SYTL2: variants seen among roughly 807,000 people sequenced by gnomAD.
The protein encoded by SYTL2 is synaptotagmin like 2, also known as synaptotagmin-like protein 2.
A neutral mutation model predicts 198.7 loss-of-function variants in SYTL2; 165 were observed. The ratio of observed to expected loss-of-function variants is 0.83; its 90% CI spans 0.73 to 0.94. SYTL2 has a LOEUF of 0.94. Among genes scored for constraint, SYTL2 ranks in the 40% least tolerant of loss-of-function variants. The pLI, the probability that SYTL2 is intolerant of heterozygous loss-of-function variation, is 0.00. For synonymous variants in SYTL2, 966 were observed against 917.7 expected, an observed-to-expected ratio of 1.05 and a Z score of -0.95; for missense variants, 2,835 against 2,582.8, an observed-to-expected ratio of 1.10 and a Z score of -2.12.
At position 85,709,448 on chromosome 11, in the gene SYTL2, A is replaced by C. The variant is rs1454249056; in HGVS notation, c.5798T>G (p.Val1933Gly). 6.2e-7 allele frequency: 1 copy of C among 1,613,980 alleles called. No individual in the cohort carries two copies. Among genetic ancestry groups the C allele is most frequent in the Non-Finnish European group, 8.5e-7 (1 of 1,179,996 alleles). The part of the protein sequence containing the change: ...VYSGDFGNLE[V>G]KGNIQFAIEY... ...AATTGCAAACTGAATATTTCCTTTAACTTCCAGATTGCCAAAGTCTCCACT... is the reference window on the plus strand; with the variant it reads ...AATTGCAAACTGAATATTTCCTTTACCTTCCAGATTGCCAAAGTCTCCACT... Residue 1933 changes from valine (V) to glycine (G), a missense_variant, in exon 14 of 20, where the codon GTT becomes GGT. Around this residue, in one of 3 missense-constraint regions of SYTL2, gnomAD observed 2,645 missense variants for 2,381.7 expected, o/e 1.11. Transcript: ENST00000359152.
chr11:85,737,963 CA>C (rs1362899399), intron 4 of SYTL2, among the ~76,000 whole-genome samples: 1 of 152,174 alleles, frequency 6.6e-6, no homozygotes, highest in Non-Finnish European at 1.5e-5. Flanking sequence ...ACAACCTGCT[CA>C]GACTTCCTGT....
Position 85,726,688 on chromosome 11 carries a change from G to A in SYTL2, c.2670C>T (p.Tyr890=). ...TATCTGATTGCTCAGCTGAAAGATAGTATCTGGATGGACCTGCTATTTGTG... is the reference window on the plus strand; with the variant it reads ...TATCTGATTGCTCAGCTGAAAGATAATATCTGGATGGACCTGCTATTTGTG... The part of the protein sequence containing the change: ...TKPQIAGPSR[Y]YLSAEQSDKV... The change falls in exon 8 of 20, where the codon TAC becomes TAT. Residue 890 remains tyrosine (Y), a synonymous_variant. Transcript: ENST00000359152. 6.5e-7 allele frequency: 1 copy of A among 1,536,314 alleles called. No homozygotes were observed. The highest frequency in any genetic ancestry group is 8.7e-7 in the Non-Finnish European group (1 of 1,146,900).
rs150764346 is a variant in SYTL2 at position 85,718,251 on chromosome 11, C to G, written c.5482+539G>C. 2.7e-4 allele frequency: 44 copies of G among 164,508 alleles called. No homozygotes were observed. In the East Asian group the frequency reaches 4.4e-3, roughly 16 times the overall value. 10.2% of individuals were successfully genotyped at this position (164,508 alleles called of 1,614,324 possible). On this transcript the variant is annotated intron_variant, in intron 10 of 19. Transcript: ENST00000359152. ...AAGTAATACCTGATCCACTGACAAGCTTCAAGATCTTCTGGCTCCATTATA... is the reference window on the plus strand; with the variant it reads ...AAGTAATACCTGATCCACTGACAAGGTTCAAGATCTTCTGGCTCCATTATA...
rs544092501 is a variant in SYTL2 at position 85,737,605 on chromosome 11, G to A, written c.441C>T (p.Asn147=). 15 of 1,613,984 alleles carry A rather than the reference G, an allele frequency of 9.3e-6. No individual in the cohort carries two copies. The African/African-American group carries it at 1.1e-4, about 11-fold the overall frequency. Residue 147 remains asparagine (N), a synonymous_variant, in exon 5 of 20, where the codon AAC becomes AAT. Coordinates refer to ENST00000359152, the MANE Select transcript of SYTL2 (RefSeq NM_206927.4). Reference sequence around the variant, plus strand: ...CTGGAGACACATTTGGTTTCCTTGTGTTTTCCTGGGACATATCAATCACAC... The same window carrying A: ...CTGGAGACACATTTGGTTTCCTTGTATTTTCCTGGGACATATCAATCACAC... The part of the protein sequence containing the change: ...ASSVIDMSQE[N]TRKPNVSPEK...
Position 85,711,245 on chromosome 11 carries a change from A to G in SYTL2, c.5626-13T>C. On this transcript the variant is annotated splice_polypyrimidine_tract_variant and intron_variant, in intron 12 of 19. Transcript: ENST00000359152. The stretch of plus-strand genomic sequence containing the variant: ...CTCTGTCATCACTCTACAAAACAGC[A>G]TATAATATGCACAATATTTAAATTC... 6.2e-7 allele frequency: 1 copy of G among 1,611,358 alleles called. No homozygotes were observed. The highest frequency in any genetic ancestry group is 8.5e-7 in the Non-Finnish European group (1 of 1,178,888).
chr11:85,853,027 A>G, the SYTL2 span: 1 of 292,816 alleles, frequency 3.4e-6, no homozygotes, highest in African/African-American at 2.8e-5. Flanking sequence ...CCCGGCAGCC[A>G]CCCTGTCTGG....
chr11:85,760,924 T>A (rs531225979), intron 1 of SYTL2, among the ~76,000 whole-genome samples: 2 of 152,256 alleles, frequency 1.3e-5, no homozygotes, highest in African/African-American at 4.8e-5. Context: ...AATCAAACTG[T>A]AAGAGAGCCC....
intron 16 of SYTL2, among the ~76,000 whole-genome samples, chr11:85,703,270 T>C (rs987036724): frequency 6.6e-6 from 1 of 152,010 alleles, no homozygotes; most frequent in African/African-American, 2.4e-5. Context: ...TACCAAAACA[T>C]AGATAGATTC....
upstream of SYTL2, among the ~76,000 whole-genome samples, chr11:85,815,518 A>G (rs139489385): frequency 5.3e-3 from 811 of 152,368 alleles, 4 homozygotes; most frequent in African/African-American, 0.017. Context: ...ATCTCTCCAC[A>G]GTCTTTAATA....
rs1056639372 is a variant in SYTL2 at position 85,707,414 on chromosome 11, A to G, written c.6018+15T>C. The G allele has an allele frequency of 6.4e-7, 1 of 1,570,206 alleles. No homozygotes were observed. The highest frequency in any genetic ancestry group is 1.7e-5 in the Admixed American group (1 of 59,806). ...CACCATCTAGGATTTTCCTATAGAG[A>G]GAGTTCATAGATACCCGCAGTATTT... On this transcript the variant is annotated intron_variant, in intron 15 of 19. Coordinates refer to ENST00000359152, the MANE Select transcript of SYTL2 (RefSeq NM_206927.4).
upstream of SYTL2, among the ~76,000 whole-genome samples, chr11:85,811,826 C>T (rs921026192): frequency 1.3e-5 from 2 of 152,068 alleles, no homozygotes; most frequent in African/African-American, 4.8e-5. Context: ...TGTGGTCGGG[C>T]GCGGTGGCTC....
intron 7 of SYTL2, among the ~76,000 whole-genome samples, chr11:85,728,613 TCTTA>T (rs1469947454): frequency 6.6e-6 from 1 of 152,194 alleles, no homozygotes; most frequent in Non-Finnish European, 1.5e-5. Context: ...GTTAATTTTC[TCTTA>T]CTTTTAAATC....
intron 1 of SYTL2, among the ~76,000 whole-genome samples, chr11:85,810,539 C>T (rs1371190664): frequency 6.6e-6 from 1 of 152,162 alleles, no homozygotes; most frequent in Non-Finnish European, 1.5e-5. Flanking sequence ...GCCGGCCCTT[C>T]CCAACACCCC....
At chr11:85,705,522 C>T (rs955718940) in intron 15 of SYTL2, among the ~76,000 whole-genome samples, 1 of 152,164 alleles carries the variant, frequency 6.6e-6, no homozygotes, top group African/African-American at 2.4e-5. Flanking sequence ...ACCTCCCCCA[C>T]TATCAACATC....
intron 1 of SYTL2, among the ~76,000 whole-genome samples, chr11:85,805,882 C>T (rs2092952458): frequency 2.0e-5 from 3 of 152,126 alleles, no homozygotes; most frequent in Admixed American, 2.0e-4. Flanking sequence ...GAATAATAAA[C>T]CAAATCTATA....
intron 1 of SYTL2, among the ~76,000 whole-genome samples, chr11:85,787,577 T>C (rs1414177264): frequency 5.9e-5 from 9 of 152,162 alleles, no homozygotes; most frequent in South Asian, 4.1e-4. Flanking sequence ...CAAGGGCATT[T>C]GTGGGTAGCT....
At chr11:85,754,927 G>A (rs187551766) in intron 2 of SYTL2, among the ~76,000 whole-genome samples, 69 of 152,290 alleles carry the variant, frequency 4.5e-4, no homozygotes, top group African/African-American at 1.7e-3. Context: ...TTCTCATCAT[G>A]GCTTTGGCAC....
At chr11:85,746,838 A>T (rs1400329563) in intron 3 of SYTL2, among the ~76,000 whole-genome samples, 1 of 152,230 alleles carries the variant, frequency 6.6e-6, no homozygotes, top group East Asian at 1.9e-4. Flanking sequence ...TATGGCACTA[A>T]TTCAGAAATA....
rs535083565 is a variant in SYTL2, at chr11:85,801,888, C to T, written c.-390+9066G>A. On this transcript the variant is annotated intron_variant, in intron 1 of 19. Coordinates refer to ENST00000359152, the MANE Select transcript of SYTL2 (RefSeq NM_206927.4). ...GGAGTGCAATGGCGCGATCTCGGCTCACTGCAAACTCCACCTCCCAGGTTC... is the reference window on the plus strand; with the variant it reads ...GGAGTGCAATGGCGCGATCTCGGCTTACTGCAAACTCCACCTCCCAGGTTC... 8.9e-4 allele frequency among the ~76,000 whole-genome samples: 134 copies of T among 151,164 alleles called. 1 individual carries two copies. Among genetic ancestry groups the T allele is most frequent in the African/African-American group, 3.1e-3 (127 of 41,082 alleles).
Sources: allele counts gnomAD v4.1 joint callset (sites outside exome capture counted in the v4.1 genomes callset), GRCh38; gene constraint gnomAD v4.1.1; regional missense constraint gnomAD v4.1.1; transcripts MANE v1.5; gene names NCBI Gene and HGNC (gene_info 2026-07-23, HGNC 2026-07-21).